The following SLC4A10 variants were observed in gnomAD, a reference collection of about 807,000 sequenced individuals.
SLC4A10 encodes solute carrier family 4 member 10.
Under a neutral mutation model 137.7 loss-of-function variants are expected in SLC4A10, and 42 were observed. That is an observed-to-expected ratio of 0.30 (90% CI 0.24 to 0.39). SLC4A10 has a LOEUF of 0.39. Ranked by LOEUF, SLC4A10 falls within the 10% of genes least tolerant of loss-of-function variation. The pLI, the probability that SLC4A10 is intolerant of heterozygous loss-of-function variation, is 1.00. For synonymous variants in SLC4A10, 474 were observed against 464.1 expected, an observed-to-expected ratio of 1.02 and a Z score of -0.27; for missense variants, 925 against 1,355.0, an observed-to-expected ratio of 0.68 and a Z score of 4.98.
rs942308805 is a variant in SLC4A10, at chr2:161,983,830, T to A, written c.*678T>A. The A allele has an allele frequency of 6.6e-6, 1 of 152,238 alleles. No homozygotes were observed. The highest frequency in any genetic ancestry group is 1.5e-5 in the Non-Finnish European group (1 of 68,070). 9.4% of individuals were successfully genotyped at this position (152,238 alleles called of 1,614,324 possible). On this transcript the variant is annotated 3_prime_UTR_variant, in exon 27 of 27. Coordinates refer to ENST00000446997, the MANE Select transcript of SLC4A10 (RefSeq NM_001178015.2). ...TATATAGAAACCTATTTACAACTTGTTAAGGACAATCAGACATAATGCAGA... is the reference window on the plus strand; with the variant it reads ...TATATAGAAACCTATTTACAACTTGATAAGGACAATCAGACATAATGCAGA...
chr2:161,899,887 G>A (rs952409470), intron 11 of SLC4A10, among the ~76,000 whole-genome samples: 1 of 152,016 alleles, frequency 6.6e-6, no homozygotes, highest in South Asian at 2.1e-4. Flanking sequence ...AAAATATTAA[G>A]CAATAAACTT....
chr2:161,799,386 A>T (rs1020172631), intron 2 of SLC4A10, among the ~76,000 whole-genome samples: 2 of 151,816 alleles, frequency 1.3e-5, no homozygotes, highest in Non-Finnish European at 2.9e-5. Context: ...TCAATTATGG[A>T]TATTGGAAAA....
At chr2:161,908,838 G>A (rs1298632197) in intron 15 of SLC4A10, among the ~76,000 whole-genome samples, 1 of 151,916 alleles carries the variant, frequency 6.6e-6, no homozygotes, top group Non-Finnish European at 1.5e-5. Flanking sequence ...CTGAGGAAAG[G>A]AAGGCAGCAA....
chr2:161,976,172 A>G (rs1021559894), intron 24 of SLC4A10, among the ~76,000 whole-genome samples: 3 of 152,230 alleles, frequency 2.0e-5, no homozygotes, highest in Admixed American at 6.5e-5. Flanking sequence ...ATTGTTTTCA[A>G]TAATTGAGAG....
chr2:161,736,845 G>GTAT (rs1253875614), intron 1 of SLC4A10, among the ~76,000 whole-genome samples: 5 of 151,920 alleles, frequency 3.3e-5, no homozygotes, highest in African/African-American at 4.8e-5. Flanking sequence ...ATAAATGGAA[G>GTAT]TATTATTATT....
intron 26 of SLC4A10, among the ~76,000 whole-genome samples, chr2:161,982,634 A>G (rs1700370463): frequency 6.6e-6 from 1 of 152,212 alleles, no homozygotes; most frequent in South Asian, 2.1e-4. Flanking sequence ...GAGATAGCAC[A>G]GGTGTCTGGA....
At chr2:161,731,677 T>C (rs1331384730) in intron 1 of SLC4A10, among the ~76,000 whole-genome samples, 1 of 152,178 alleles carries the variant, frequency 6.6e-6, no homozygotes, top group Non-Finnish European at 1.5e-5. Flanking sequence ...AGATCTAATA[T>C]GATGAATGGA....
intron 2 of SLC4A10, among the ~76,000 whole-genome samples, chr2:161,777,404 A>G (rs1487750456): frequency 2.0e-5 from 3 of 151,962 alleles, no homozygotes; most frequent in African/African-American, 7.2e-5. Context: ...CTATGCTTTC[A>G]ATGTCATAGC....
At chr2:161,634,330 T>C (rs1166629579) in intron 1 of SLC4A10, among the ~76,000 whole-genome samples, 2 of 152,080 alleles carry the variant, frequency 1.3e-5, no homozygotes, top group Admixed American at 6.5e-5. Context: ...AGGATATACA[T>C]ATCTTACTTC....
intron 1 of SLC4A10, among the ~76,000 whole-genome samples, chr2:161,691,164 G>A (rs886252342): frequency 3.9e-5 from 6 of 151,914 alleles, no homozygotes; most frequent in Non-Finnish European, 8.8e-5. Flanking sequence ...AAAATCAAAA[G>A]CTCATTTACA....
intron 5 of SLC4A10, among the ~76,000 whole-genome samples, chr2:161,859,714 C>T (rs1344493257): frequency 2.0e-5 from 3 of 150,904 alleles, no homozygotes. Flanking sequence ...CATTCCCCTG[C>T]CTCAACCTCC....
intron 11 of SLC4A10, 23 bp from the exon 12 acceptor site, chr2:161,900,883 AAACAC>A: frequency 7.0e-7 from 1 of 1,426,132 alleles, no homozygotes; most frequent in Non-Finnish European, 9.5e-7. Context: ...AAACAAAACA[AAACAC>A]ATGAACAAAA....
intron 26 of SLC4A10, among the ~76,000 whole-genome samples, chr2:161,978,480 G>T (rs1438791200): frequency 6.6e-6 from 1 of 151,708 alleles, no homozygotes; most frequent in Non-Finnish European, 1.5e-5. Flanking sequence ...CATGCCTCCA[G>T]ACTGGCAAGC....
At position 161,967,987 on chromosome 2, in the gene SLC4A10, G is replaced by A. The variant is rs142051021; in HGVS notation, c.3159+2814G>A. ...TACTGCTTCTGGAAAAAAAAAAAAC[G>A]AACACAGCCCCAGACATATAATCAT... On this transcript the variant is annotated intron_variant, in intron 23 of 26. Coordinates refer to ENST00000446997, the MANE Select transcript of SLC4A10 (RefSeq NM_001178015.2). 2.3e-4 allele frequency among the ~76,000 whole-genome samples: 34 copies of A among 147,522 alleles called. No homozygotes were observed. The East Asian group carries it at 5.1e-3, about 22-fold the overall frequency.
At chr2:161,909,324 C>T (rs557715939) in intron 15 of SLC4A10, among the ~76,000 whole-genome samples, 32 of 152,206 alleles carry the variant, frequency 2.1e-4, no homozygotes, top group Admixed American at 5.9e-4. Flanking sequence ...AAAGTGATCC[C>T]GCATGTTTAA....
intron 2 of SLC4A10, among the ~76,000 whole-genome samples, chr2:161,798,397 A>G (rs1411015716): frequency 6.6e-6 from 1 of 151,894 alleles, no homozygotes; most frequent in African/African-American, 2.4e-5. Context: ...CCTCCCAGCT[A>G]AATAAAGAAT....
At chr2:161,835,807 G>T (rs2058730088) in intron 3 of SLC4A10, among the ~76,000 whole-genome samples, 1 of 152,210 alleles carries the variant, frequency 6.6e-6, no homozygotes, top group Non-Finnish European at 1.5e-5. Flanking sequence ...AAGTGGAAAG[G>T]TTAATATAGA....
At chr2:161,919,285 A>G (rs1218772868) in intron 15 of SLC4A10, among the ~76,000 whole-genome samples, 1 of 152,126 alleles carries the variant, frequency 6.6e-6, no homozygotes, top group Non-Finnish European at 1.5e-5. Flanking sequence ...TGGCAGAAGG[A>G]GGCAGACAGG....
chr2:161,889,391 G>A (rs935697848), intron 10 of SLC4A10, among the ~76,000 whole-genome samples: 17 of 152,106 alleles, frequency 1.1e-4, no homozygotes, highest in Admixed American at 3.3e-4. Context: ...GGTAGAATTC[G>A]GCTATGAATC....
Sources: gnomAD v4.1 joint callset for allele counts (sites outside exome capture counted in the v4.1 genomes callset) on GRCh38, gnomAD v4.1.1 for gene constraint, MANE v1.5 for transcripts, NCBI Gene and HGNC (gene_info 2026-07-23, HGNC 2026-07-21) for gene names.